Variants in ANKS1B observed in about 807,000 individuals in gnomAD.
ANKS1B encodes the protein ankyrin repeat and sterile alpha motif domain containing 1B, also known as ankyrin repeat and sterile alpha motif domain-containing protein 1B.
ANKS1B carries 36 observed loss-of-function variants against 148.3 expected under a neutral mutation model. That is an observed-to-expected ratio of 0.24 (90% CI 0.19 to 0.32). The LOEUF is 0.32. Among genes scored for constraint, ANKS1B ranks in the 10% least tolerant of loss-of-function variants. The pLI is 1.00. For missense variants in ANKS1B, 1,157 were observed against 1,542.6 expected (o/e 0.75, Z 4.19); for synonymous variants, 542 against 560.8 (o/e 0.97, Z 0.47).
At chr12:98,890,669 C>A (rs1474208773) in intron 17 of ANKS1B, among the ~76,000 whole-genome samples, 1 of 152,114 alleles carries the variant, frequency 6.6e-6, no homozygotes, top group Non-Finnish European at 1.5e-5. Flanking sequence ...TAACTAAAAC[C>A]AAAAACAGAT....
intron 10 of ANKS1B, among the ~76,000 whole-genome samples, chr12:99,467,899 A>G (rs2096157498): frequency 2.0e-5 from 3 of 152,222 alleles, no homozygotes; most frequent in Non-Finnish European, 4.4e-5. Context: ...ATCCCCATCA[A>G]GCTACCAATG....
chr12:99,273,883 C>G (rs73381167), intron 12 of ANKS1B, among the ~76,000 whole-genome samples: 2 of 152,132 alleles, frequency 1.3e-5, no homozygotes, highest in East Asian at 3.9e-4. Context: ...CGGCACCCGG[C>G]CTTTTTTGTG....
chr12:98,923,442 A>G (rs1207588429), intron 17 of ANKS1B, among the ~76,000 whole-genome samples: 2 of 152,228 alleles, frequency 1.3e-5, no homozygotes, highest in African/African-American at 4.8e-5. Flanking sequence ...AAGATAGTCT[A>G]CTTGATGTGT....
chr12:99,757,247 T>G (rs1278231150), intron 8 of ANKS1B, among the ~76,000 whole-genome samples: 1 of 151,552 alleles, frequency 6.6e-6, no homozygotes. Context: ...TTAAACAAAT[T>G]TACAAGAAAA....
At chr12:99,402,561 A>C (rs2094433440) in intron 11 of ANKS1B, among the ~76,000 whole-genome samples, 1 of 145,638 alleles carries the variant, frequency 6.9e-6, no homozygotes, top group Non-Finnish European at 1.5e-5. Context: ...ATGAGTGAGA[A>C]CATGTGGTAT....
intron 14 of ANKS1B, among the ~76,000 whole-genome samples, chr12:99,217,335 G>C (rs186196616): frequency 1.6e-4 from 24 of 151,800 alleles, no homozygotes; most frequent in African/African-American, 5.8e-4. Context: ...AAATTTCCTT[G>C]AAATCTAGTT....
At chr12:99,062,406 G>C (rs959991182) in intron 16 of ANKS1B, among the ~76,000 whole-genome samples, 2 of 152,152 alleles carry the variant, frequency 1.3e-5, no homozygotes, top group African/African-American at 4.8e-5. Flanking sequence ...TGTGAGAAGA[G>C]AAGTGGCCTG....
intron 12 of ANKS1B, among the ~76,000 whole-genome samples, chr12:99,329,471 G>A (rs1367056801): frequency 8.6e-5 from 13 of 151,796 alleles, no homozygotes; most frequent in African/African-American, 2.9e-4. Flanking sequence ...AGTTTACAGG[G>A]TAAGGTTCTA....
At chr12:98,895,456 G>GGAGGAC (rs1225094325) in intron 17 of ANKS1B, among the ~76,000 whole-genome samples, 10 of 152,328 alleles carry the variant, frequency 6.6e-5, no homozygotes, top group African/African-American at 2.4e-4. Flanking sequence ...GCTGGAGAGA[G>GGAGGAC]GAGGACGAGG....
intron 2 of ANKS1B, among the ~76,000 whole-genome samples, chr12:99,821,493 T>A (rs561628172): frequency 1.3e-5 from 2 of 151,730 alleles, no homozygotes; most frequent in Admixed American, 1.3e-4. Context: ...AATTATGCCA[T>A]GGGCCATAGA....
At chr12:98,857,810 G>C (rs1005564169) in intron 17 of ANKS1B, among the ~76,000 whole-genome samples, 1 of 152,094 alleles carries the variant, frequency 6.6e-6, no homozygotes, top group Admixed American at 6.5e-5. Flanking sequence ...AAGATGTAAA[G>C]ACATCATACA....
At chr12:99,167,992 G>A (rs1362671380) in intron 14 of ANKS1B, among the ~76,000 whole-genome samples, 4 of 152,188 alleles carry the variant, frequency 2.6e-5, no homozygotes, top group Non-Finnish European at 5.9e-5. Context: ...GTTCTAGAGA[G>A]TATAAACTTA....
At chr12:99,585,016 C>G (rs1321755720) in intron 9 of ANKS1B, among the ~76,000 whole-genome samples, 1 of 152,080 alleles carries the variant, frequency 6.6e-6, no homozygotes, top group Non-Finnish European at 1.5e-5. Flanking sequence ...TCTCGCATTT[C>G]AAAACACAGT....
intron 9 of ANKS1B, among the ~76,000 whole-genome samples, chr12:99,553,459 C>T (rs2097244455): frequency 6.6e-6 from 1 of 152,094 alleles, no homozygotes; most frequent in Non-Finnish European, 1.5e-5. Context: ...AGCTCTTTGA[C>T]TTTATTTGAA....
At chr12:99,704,822 G>T (rs940529736) in intron 8 of ANKS1B, among the ~76,000 whole-genome samples, 1 of 152,060 alleles carries the variant, frequency 6.6e-6, no homozygotes, top group South Asian at 2.1e-4. Context: ...GACTTGGTAG[G>T]GAAAAATATG....
intron 10 of ANKS1B, among the ~76,000 whole-genome samples, chr12:99,482,470 C>T (rs1029896629): frequency 3.3e-5 from 5 of 151,914 alleles, no homozygotes; most frequent in Admixed American, 6.6e-5. Flanking sequence ...GTGATGCCTC[C>T]AGATTTGTTC....
intron 17 of ANKS1B, among the ~76,000 whole-genome samples, chr12:98,873,223 A>T (rs1219746823): frequency 1.3e-5 from 2 of 152,058 alleles, no homozygotes; most frequent in Admixed American, 1.3e-4. Context: ...CTCCTTCCTG[A>T]TCTTGTGAAT....
chr12:98,983,615 A>C (rs2099920117), intron 17 of ANKS1B, among the ~76,000 whole-genome samples: 2 of 152,168 alleles, frequency 1.3e-5, no homozygotes, highest in African/African-American at 4.8e-5. Context: ...ATGATTCACT[A>C]CTGTTTCATA....
At chr12:99,492,426 A>G (rs965370701) in intron 10 of ANKS1B, among the ~76,000 whole-genome samples, 1 of 152,200 alleles carries the variant, frequency 6.6e-6, no homozygotes, top group Admixed American at 6.5e-5. Context: ...TAACAACCAA[A>G]AAAAGCCTAT....
Sources: gnomAD v4.1 joint callset for allele counts (sites outside exome capture counted in the v4.1 genomes callset) on GRCh38, gnomAD v4.1.1 for gene constraint, MANE v1.5 for transcripts, NCBI Gene and HGNC (gene_info 2026-07-23, HGNC 2026-07-21) for gene names.